Variants in PELP1 observed in about 807,000 individuals in gnomAD.
PELP1 encodes proline-, glutamic acid- and leucine-rich protein 1.
In PELP1, 32 loss-of-function variants were observed where a neutral mutation model predicts 95.5. The observed-to-expected ratio is 0.34, with a 90% CI of 0.25 to 0.45. PELP1 has a LOEUF of 0.45. Among genes scored for constraint, PELP1 ranks in the 20% least tolerant of loss-of-function variants. PELP1 has a pLI of 1.00. For missense variants in PELP1, 1,358 were observed against 1,444.8 expected, an observed-to-expected ratio of 0.94 and a Z score of 0.97; for synonymous variants, 668 against 600.1, an observed-to-expected ratio of 1.11 and a Z score of -1.65.
Position 4,704,114 on chromosome 17 carries a change from T to C in PELP1, c.-3A>G, listed in dbSNP as rs1567671326. On this transcript the variant is annotated 5_prime_UTR_variant, in exon 1 of 17. Coordinates refer to ENST00000572293, the MANE Select transcript of PELP1 (RefSeq NM_014389.3). ...CCACTCAGAACGGCTGCCGCCATCT[T>C]CCCCCGGGTTCCAGTGGTGGCGTGG... is the stretch of plus-strand genomic sequence containing the variant. 1 of 1,603,870 alleles carries C rather than the reference T, an allele frequency of 6.2e-7. No homozygotes were observed. Among genetic ancestry groups the C allele is most frequent in the Non-Finnish European group, 8.5e-7 (1 of 1,177,332 alleles).
At position 4,669,778 on chromosome 17, in the gene PELP1, G is replaced by C. The variant is rs1377111173; in HGVS notation, c.*1661C>G. 1 of 149,452 alleles carries C rather than the reference G, an allele frequency of 6.7e-6. No homozygotes were observed. The highest frequency in any genetic ancestry group is 6.6e-5 in the Admixed American group (1 of 15,106). 9.3% of individuals were successfully genotyped at this position (149,452 alleles called of 1,614,324 possible). On this transcript the variant is annotated 3_prime_UTR_variant, in exon 17 of 17. Coordinates refer to ENST00000572293, the MANE Select transcript of PELP1 (RefSeq NM_014389.3). ...AAAAAAAAGCTATTAAGACAGTTTA[G>C]GAATTAATAGGAAAATTTTAATATC...
rs1912372979 is a variant in PELP1 at position 4,674,556 on chromosome 17, T to C, written c.1536A>G (p.Lys512=). ...CGTCGCTGTTGGCATTGCTATCCCC[T>C]TTCCGGTGGCTTGGCGGGGCCATAG... is the stretch of plus-strand genomic sequence containing the variant. ...GEAMAPPSHR[K]GDSNANSDVC... Residue 512 remains lysine (K), a synonymous_variant, in exon 13 of 17, where the codon AAA becomes AAG. Transcript: ENST00000572293. 6.2e-7 allele frequency: 1 copy of C among 1,613,088 alleles called. No homozygotes were observed. Among genetic ancestry groups the C allele is most frequent in the Non-Finnish European group, 8.5e-7 (1 of 1,179,560 alleles).
chr17:4,675,866 G>A lies in PELP1; in HGVS notation c.999C>T (p.Pro333=), dbSNP rs367708266. 3.5e-5 allele frequency: 55 copies of A among 1,591,840 alleles called. No individual in the cohort carries two copies. Among genetic ancestry groups the A allele is most frequent in the Non-Finnish European group, 4.4e-5 (51 of 1,169,192 alleles). ...GLMLSSEFGA[P]VSVPVQEILD... ...GGATTTCCTGCACAGGGACGGACACGGGAGCTCCAAACTCAGAGCTAAAGA... is the reference window on the plus strand; with the variant it reads ...GGATTTCCTGCACAGGGACGGACACAGGAGCTCCAAACTCAGAGCTAAAGA... The change falls in exon 9 of 17, where the codon CCC becomes CCT. Residue 333 remains proline, a synonymous_variant. Transcript: ENST00000572293. This position sits in a 1 kb window ranked among gnomAD's most constrained non-coding sequence, Gnocchi z 4.3.
At chr17:4,700,797 C>T (rs1199567826) in intron 1 of PELP1, among the ~76,000 whole-genome samples, 2 of 151,330 alleles carry the variant, frequency 1.3e-5, no homozygotes. Context: ...GGTGGTGGCA[C>T]ACCTGTAGTC....
At chr17:4,691,256 C>T in intron 2 of PELP1, 122 bp downstream of exon 2, 1 of 763,024 alleles carries the variant, frequency 1.3e-6, no homozygotes, top group Non-Finnish European at 2.2e-6. Context: ...TAACTCTCCA[C>T]ACTCTTGGGA....
At chr17:4,691,260 C>T in intron 2 of PELP1, 118 bp downstream of exon 2, 1 of 784,264 alleles carries the variant, frequency 1.3e-6, no homozygotes, top group South Asian at 1.6e-5. Flanking sequence ...TCTCCACACT[C>T]TTGGGAATAG....
At chr17:4,682,368 A>C in intron 5 of PELP1, 134 bp downstream of exon 5, 1 of 655,754 alleles carries the variant, frequency 1.5e-6, no homozygotes, top group South Asian at 1.8e-5. Flanking sequence ...ACAAAGTGGT[A>C]GAAGTGTACT....
chr17:4,681,786 G>A (rs747973034), intron 5 of PELP1, among the ~76,000 whole-genome samples: 8 of 151,400 alleles, frequency 5.3e-5, no homozygotes, highest in Non-Finnish European at 7.4e-5. Flanking sequence ...GCAACAGAGT[G>A]AGACTCCATC....
intron 3 of PELP1, among the ~76,000 whole-genome samples, chr17:4,687,226 C>T (rs1912936658): frequency 6.6e-6 from 1 of 152,094 alleles, no homozygotes; most frequent in Non-Finnish European, 1.5e-5. Flanking sequence ...TTTATCACTT[C>T]ACATTCATTT....
intron 1 of PELP1, among the ~76,000 whole-genome samples, chr17:4,702,089 G>A (rs1180775215): frequency 2.0e-5 from 3 of 152,172 alleles, no homozygotes; most frequent in African/African-American, 4.8e-5. Context: ...ACATTTATAG[G>A]CGGGATAGGT....
intron 1 of PELP1, among the ~76,000 whole-genome samples, chr17:4,703,342 CG>C (rs1913623028): frequency 6.6e-6 from 1 of 152,130 alleles, no homozygotes; most frequent in Non-Finnish European, 1.5e-5. Context: ...GCTTAAACGC[CG>C]GTTTCTTTGG....
At chr17:4,696,151 G>C (rs770669925) in intron 1 of PELP1, among the ~76,000 whole-genome samples, 2 of 151,910 alleles carry the variant, frequency 1.3e-5, no homozygotes, top group Non-Finnish European at 2.9e-5. Context: ...AACCGAGGGA[G>C]ACCCCCATTC....
At chr17:4,682,770 G>C (rs757962079) in intron 4 of PELP1, 33 bp downstream of exon 4, 5 of 1,540,720 alleles carry the variant, frequency 3.2e-6, no homozygotes, top group Non-Finnish European at 4.4e-6. Flanking sequence ...GACTGCGGGG[G>C]GCCATGGGGA....
chr17:4,699,345 ACTCCAG>A (rs1003768667), intron 1 of PELP1, among the ~76,000 whole-genome samples: 1 of 152,010 alleles, frequency 6.6e-6, no homozygotes, highest in African/African-American at 2.4e-5. Flanking sequence ...GCACCACTGC[ACTCCAG>A]CCTGGGCAAC....
At chr17:4,690,621 C>T (rs4790217) in intron 3 of PELP1, among the ~76,000 whole-genome samples, 147,657 of 152,086 alleles carry the variant, frequency 0.97, 71,814 homozygotes, top group Middle Eastern at 1. Context: ...ACTCAGGAGG[C>T]TGAGGCAGGA....
rs769568926 is a variant in PELP1 at position 4,704,127 on chromosome 17, A to G, written c.-16T>C. 3 of 1,600,418 alleles carry G rather than the reference A, an allele frequency of 1.9e-6. No individual in the cohort carries two copies. In the African/African-American group the frequency reaches 4.0e-5, roughly 21 times the overall value. On this transcript the variant is annotated 5_prime_UTR_variant, in exon 1 of 17. Coordinates refer to ENST00000572293, the MANE Select transcript of PELP1 (RefSeq NM_014389.3). ...CTGCCGCCATCTTCCCCCGGGTTCC[A>G]GTGGTGGCGTGGCGCGATGACGCAA...
intron 1 of PELP1, chr17:4,691,967 G>C (rs1053943307): frequency 7.8e-5 from 12 of 153,894 alleles, no homozygotes; most frequent in Non-Finnish European, 1.6e-4. Context: ...CACGAAAGAT[G>C]TTTCCTCATC....
intron 1 of PELP1, among the ~76,000 whole-genome samples, chr17:4,695,325 A>AAAATAAAT (rs61070616): frequency 0.97 from 146,342 of 150,270 alleles, 71,368 homozygotes; most frequent in Middle Eastern, 1. Flanking sequence ...CCGTCTGGAA[A>AAAATAAAT]AAATAAATAA....
chr17:4,685,000 T>C (rs1475795543), intron 3 of PELP1, among the ~76,000 whole-genome samples: 1 of 152,126 alleles, frequency 6.6e-6, no homozygotes, highest in Non-Finnish European at 1.5e-5. Flanking sequence ...AAAAAGTCTT[T>C]TCTTGAGCCC....
Sources: gnomAD v4.1 joint callset for allele counts (sites outside exome capture counted in the v4.1 genomes callset) on GRCh38, gnomAD v4.1.1 for gene constraint, Gnocchi (gnomAD v3.1) non-coding constraint, MANE v1.5 for transcripts, NCBI Gene and HGNC (gene_info 2026-07-23, HGNC 2026-07-21) for gene names.